SLIT2: variants seen among roughly 807,000 people sequenced by gnomAD.
SLIT2 encodes the protein slit homolog 2 protein.
A neutral mutation model predicts 185.7 loss-of-function variants in SLIT2; 41 were observed. The observed-to-expected ratio is 0.22, with a 90% CI of 0.17 to 0.29. SLIT2 has a LOEUF of 0.29. Among genes scored for constraint, SLIT2 ranks in the 10% least tolerant of loss-of-function variants. The pLI is 1.00. For missense variants in SLIT2, 1,571 were observed against 1,909.0 expected (o/e 0.82, Z 3.30); for synonymous variants, 693 against 680.2 (o/e 1.02, Z -0.29).
At chr4:20,610,246 C>T (rs1188662254) in intron 34 of SLIT2, 79 bp downstream of exon 34, 1 of 1,255,228 alleles carries the variant, frequency 8.0e-7, no homozygotes, top group South Asian at 1.4e-5. Context: ...TTGTTAATGC[C>T]TAATATATCA....
intron 4 of SLIT2, among the ~76,000 whole-genome samples, chr4:20,341,413 G>C (rs773556025): frequency 6.6e-6 from 1 of 152,172 alleles, no homozygotes; most frequent in Non-Finnish European, 1.5e-5. Flanking sequence ...TTTGTTTACT[G>C]TAACTTTTAG....
intron 4 of SLIT2, among the ~76,000 whole-genome samples, chr4:20,380,868 A>G (rs888407007): frequency 2.6e-5 from 4 of 152,134 alleles, no homozygotes; most frequent in Non-Finnish European, 5.9e-5. Context: ...ATTTTTTCCA[A>G]ATGTATTGAC....
chr4:20,519,079 C>T (rs559461121), intron 11 of SLIT2, among the ~76,000 whole-genome samples: 3 of 152,038 alleles, frequency 2.0e-5, no homozygotes, highest in East Asian at 3.9e-4. Context: ...ACTGTGTATG[C>T]GTGTGAGTAG....
chr4:20,595,944 A>G, intron 31 of SLIT2, 110 bp downstream of exon 31: 1 of 939,588 alleles, frequency 1.1e-6, no homozygotes, highest in Non-Finnish European at 1.6e-6. Context: ...AAAGAGTATA[A>G]CTGGATTGTT....
chr4:20,494,078 G>C (rs1159254284), intron 9 of SLIT2, among the ~76,000 whole-genome samples: 4 of 152,226 alleles, frequency 2.6e-5, no homozygotes, highest in African/African-American at 9.6e-5. Flanking sequence ...TTTGAGCATA[G>C]GAGTTTTAAT....
intron 4 of SLIT2, among the ~76,000 whole-genome samples, chr4:20,366,729 G>A (rs771558969): frequency 8.5e-5 from 13 of 152,056 alleles, no homozygotes; most frequent in Admixed American, 3.9e-4. Flanking sequence ...AGAAGAAAAC[G>A]GCAGTTTTAG....
intron 20 of SLIT2, 95 bp from the exon 21 acceptor site, chr4:20,542,399 C>T: frequency 2.6e-6 from 3 of 1,166,262 alleles, no homozygotes; most frequent in Non-Finnish European, 3.8e-6. Context: ...GCTTAAGACT[C>T]TTGTGTTTGT....
intron 4 of SLIT2, among the ~76,000 whole-genome samples, chr4:20,365,315 A>G (rs931585743): frequency 6.6e-6 from 1 of 152,160 alleles, no homozygotes; most frequent in Non-Finnish European, 1.5e-5. Context: ...CGGCCAGTTC[A>G]GAGGTAGTGT....
intron 4 of SLIT2, among the ~76,000 whole-genome samples, chr4:20,438,036 A>T (rs1729476634): frequency 6.6e-6 from 1 of 152,062 alleles, no homozygotes; most frequent in African/African-American, 2.4e-5. Flanking sequence ...ATATATCCAG[A>T]ATCATTTCTC....
chr4:20,380,891 C>T (rs1241580472), intron 4 of SLIT2, among the ~76,000 whole-genome samples: 1 of 151,922 alleles, frequency 6.6e-6, no homozygotes, highest in Non-Finnish European at 1.5e-5. Context: ...TTACAAACCC[C>T]CAAACTAATA....
intron 4 of SLIT2, among the ~76,000 whole-genome samples, chr4:20,462,037 G>A (rs899385925): frequency 2.0e-5 from 3 of 151,870 alleles, no homozygotes; most frequent in Non-Finnish European, 4.4e-5. Flanking sequence ...GAAGGGGGAG[G>A]GTCTAAAATG....
intron 4 of SLIT2, among the ~76,000 whole-genome samples, chr4:20,357,092 T>C (rs886342699): frequency 6.6e-6 from 1 of 152,220 alleles, no homozygotes; most frequent in Non-Finnish European, 1.5e-5. Flanking sequence ...GTGTAATATT[T>C]TTGGCAAATA....
At chr4:20,602,519 A>G (rs1261569639) in intron 33 of SLIT2, among the ~76,000 whole-genome samples, 1 of 152,150 alleles carries the variant, frequency 6.6e-6, no homozygotes, top group East Asian at 1.9e-4. Flanking sequence ...AGTAGTGTAG[A>G]ATGGTTGTTT....
At chr4:20,367,491 A>C (rs1234189858) in intron 4 of SLIT2, among the ~76,000 whole-genome samples, 1 of 152,194 alleles carries the variant, frequency 6.6e-6, no homozygotes, top group Admixed American at 6.5e-5. Context: ...CATTTATTTT[A>C]AACCATTTAT....
intron 21 of SLIT2, 95 bp from the exon 22 acceptor site, chr4:20,545,936 T>C (rs990233803): frequency 1.8e-6 from 1 of 548,850 alleles, no homozygotes; most frequent in Non-Finnish European, 3.1e-6. Flanking sequence ...TGCCAAGGGG[T>C]TCCTTGCCTC....
intron 9 of SLIT2, among the ~76,000 whole-genome samples, 163 bp downstream of exon 9, chr4:20,492,062 A>G (rs1421843036): frequency 6.6e-6 from 1 of 152,230 alleles, no homozygotes; most frequent in Non-Finnish European, 1.5e-5. Flanking sequence ...GTTTAAAAAC[A>G]TACCATGTTA....
chr4:20,448,707 C>T (rs749711751), intron 4 of SLIT2, among the ~76,000 whole-genome samples: 7 of 151,892 alleles, frequency 4.6e-5, no homozygotes, highest in African/African-American at 4.8e-5. Flanking sequence ...GCGTGATCTT[C>T]GCTCACTGCA....
At chr4:20,256,769 A>G in intron 2 of SLIT2, 26 bp downstream of exon 2, 1 of 1,200,956 alleles carries the variant, frequency 8.3e-7, no homozygotes, top group Non-Finnish European at 1.2e-6. Context: ...GTATTTTTAA[A>G]TAATTTTTTA....
At chr4:20,517,955 T>TA (rs1401434004) in intron 11 of SLIT2, among the ~76,000 whole-genome samples, 1 of 151,732 alleles carries the variant, frequency 6.6e-6, no homozygotes, top group Non-Finnish European at 1.5e-5. Context: ...TTGAAAATGA[T>TA]ATATGCTTAT....
Sources: allele counts gnomAD v4.1 joint callset (sites outside exome capture counted in the v4.1 genomes callset), GRCh38; gene constraint gnomAD v4.1.1; transcripts MANE v1.5; gene names NCBI Gene and HGNC (gene_info 2026-07-23, HGNC 2026-07-21).